ERC2: variants seen among roughly 807,000 people sequenced by gnomAD.
The protein encoded by ERC2 is ELKS/RAB6-interacting/CAST family member 2.
ERC2 carries 42 observed loss-of-function variants against 114.8 expected under a neutral mutation model. That is an observed-to-expected ratio of 0.37 (90% CI 0.29 to 0.47). The LOEUF is 0.47. Ranked by LOEUF, ERC2 falls within the 20% of genes least tolerant of loss-of-function variation. ERC2 has a pLI of 0.99. For missense variants in ERC2, 939 were observed against 1,150.7 expected, an observed-to-expected ratio of 0.82 and a Z score of 2.66; for synonymous variants, 454 against 425.5, an observed-to-expected ratio of 1.07 and a Z score of -0.82.
intron 3 of ERC2, among the ~76,000 whole-genome samples, chr3:56,284,912 G>T (rs927393896): frequency 6.6e-6 from 1 of 151,526 alleles, no homozygotes; most frequent in Non-Finnish European, 1.5e-5. Flanking sequence ...GTTGGGGTGG[G>T]GGAGTTGGAG....
At chr3:56,046,967 A>C (rs2075500601) in intron 7 of ERC2, among the ~76,000 whole-genome samples, 1 of 152,212 alleles carries the variant, frequency 6.6e-6, no homozygotes, top group Non-Finnish European at 1.5e-5. Context: ...CGCTAGTGGA[A>C]AGGAGTCTGT....
chr3:55,953,793 A>G (rs2149451288), intron 12 of ERC2, among the ~76,000 whole-genome samples: 1 of 152,230 alleles, frequency 6.6e-6, no homozygotes, highest in East Asian at 1.9e-4. Flanking sequence ...AAAAATGACC[A>G]CAGTGATTTT....
rs1382901955 is a variant in ERC2, at chr3:56,149,114, A to G, written c.1168T>C (p.Leu390=). 6.2e-7 allele frequency: 1 copy of G among 1,609,266 alleles called. No individual in the cohort carries two copies. Among genetic ancestry groups the G allele is most frequent in the Admixed American group, 1.7e-5 (1 of 59,642 alleles). The change falls in exon 5 of 18, where the codon TTG becomes CTG. Residue 390 remains leucine (L), a synonymous_variant. Transcript: ENST00000288221. The part of the protein sequence containing the change: ...IEMKDTKIAS[L]ERNIRDLEDE... ...TCAAGATCCCTTATGTTTCGTTCCA[A>G]TGAAGCGATTTTTGTGTCCTGTTGG...
intron 12 of ERC2, among the ~76,000 whole-genome samples, chr3:55,969,984 A>T (rs2069039305): frequency 6.6e-6 from 1 of 152,204 alleles, no homozygotes; most frequent in African/African-American, 2.4e-5. Flanking sequence ...AAACTAAGCA[A>T]ATATTCAAGG....
At chr3:55,991,921 G>A (rs913453463) in intron 11 of ERC2, 136 bp downstream of exon 11, 2 of 728,690 alleles carry the variant, frequency 2.7e-6, no homozygotes, top group African/African-American at 3.5e-5. Flanking sequence ...ATCTTTCACA[G>A]GCCATATTCC....
intron 3 of ERC2, among the ~76,000 whole-genome samples, chr3:56,227,338 T>C (rs1045018050): frequency 3.3e-5 from 5 of 151,368 alleles, no homozygotes; most frequent in East Asian, 1.9e-4. Flanking sequence ...GGGAGTAAGG[T>C]ATAGGAGCAC....
chr3:55,825,241 G>A (rs756564146), intron 14 of ERC2, among the ~76,000 whole-genome samples: 12 of 152,126 alleles, frequency 7.9e-5, no homozygotes, highest in Non-Finnish European at 1.8e-4. Flanking sequence ...CAATTACCCT[G>A]AAAAATACTC....
chr3:56,326,218 C>G (rs563896559), intron 2 of ERC2, among the ~76,000 whole-genome samples: 2 of 152,208 alleles, frequency 1.3e-5, no homozygotes, highest in East Asian at 3.8e-4. Context: ...CCTTGCAAGC[C>G]AAAGCCTGAG....
chr3:56,201,270 C>A (rs2048388669), intron 3 of ERC2, among the ~76,000 whole-genome samples: 1 of 152,210 alleles, frequency 6.6e-6, no homozygotes, highest in Non-Finnish European at 1.5e-5. Flanking sequence ...TATTGCTCCT[C>A]TGTATCCCTT....
At chr3:56,252,097 C>A (rs2150235196) in intron 3 of ERC2, among the ~76,000 whole-genome samples, 1 of 152,248 alleles carries the variant, frequency 6.6e-6, no homozygotes, top group East Asian at 1.9e-4. Flanking sequence ...CCCCCTTGCT[C>A]CTCATCCTTA....
At chr3:56,141,743 C>T (rs1331640221) in intron 5 of ERC2, among the ~76,000 whole-genome samples, 1 of 152,072 alleles carries the variant, frequency 6.6e-6, no homozygotes, top group Non-Finnish European at 1.5e-5. Context: ...TAATGAATTG[C>T]ATTAATGAAA....
At chr3:55,607,915 T>A (rs1321345871) in intron 17 of ERC2, 5 of 151,950 alleles carry the variant, frequency 3.3e-5, no homozygotes, top group African/African-American at 7.3e-5. Context: ...ACATGATACC[T>A]CCCACTTGCC....
chr3:55,570,525 C>A (rs2056645077), intron 17 of ERC2, among the ~76,000 whole-genome samples: 1 of 152,136 alleles, frequency 6.6e-6, no homozygotes, highest in African/African-American at 2.4e-5. Flanking sequence ...GGGGGAGCTG[C>A]AGCCGGATGA....
chr3:55,973,593 G>C (rs1200678606), intron 12 of ERC2, among the ~76,000 whole-genome samples: 1 of 152,284 alleles, frequency 6.6e-6, no homozygotes, highest in East Asian at 1.9e-4. Context: ...AATCCAGAGT[G>C]ACCTTGAGCA....
chr3:56,400,515 A>G (rs997448741), intron 2 of ERC2, among the ~76,000 whole-genome samples: 1 of 152,210 alleles, frequency 6.6e-6, no homozygotes, highest in Non-Finnish European at 1.5e-5. Flanking sequence ...CCTACTGTGA[A>G]CAATGCATTA....
At position 56,392,724 on chromosome 3, in the gene ERC2, T is replaced by C. The variant is rs74558458; in HGVS notation, c.657+41627A>G. Among the ~76,000 whole-genome samples, 508 of 152,338 alleles carry C rather than the reference T, an allele frequency of 3.3e-3. 2 individuals carry two copies. The highest frequency in any genetic ancestry group is 0.011 in the African/African-American group (474 of 41,578). ...TTGTTACCTCGAGACATGACTTTTATACAAAGTTAAAAATAAAATGGCTTC... is the reference window on the plus strand; with the variant it reads ...TTGTTACCTCGAGACATGACTTTTACACAAAGTTAAAAATAAAATGGCTTC... On this transcript the variant is annotated intron_variant, in intron 2 of 17. Coordinates refer to ENST00000288221, the MANE Select transcript of ERC2 (RefSeq NM_015576.3).
intron 14 of ERC2, among the ~76,000 whole-genome samples, chr3:55,750,437 G>A (rs979233590): frequency 7.2e-4 from 110 of 152,264 alleles, no homozygotes; most frequent in African/African-American, 2.6e-3. Context: ...AAGGAGAACT[G>A]GAATTTGTAT....
intron 14 of ERC2, among the ~76,000 whole-genome samples, chr3:55,832,354 C>A (rs1183407266): frequency 6.6e-6 from 1 of 152,224 alleles, no homozygotes; most frequent in Non-Finnish European, 1.5e-5. Flanking sequence ...TGGAAGGCAT[C>A]CCCCAGTAGG....
chr3:55,608,850 T>C (rs73830664), intron 17 of ERC2, among the ~76,000 whole-genome samples: 4,435 of 152,264 alleles, frequency 0.029, 211 homozygotes, highest in African/African-American at 0.098. Context: ...ACAGTGAGAA[T>C]TGGGATAAAT....
Sources: gnomAD v4.1 joint callset for allele counts (sites outside exome capture counted in the v4.1 genomes callset) on GRCh38, gnomAD v4.1.1 for gene constraint, MANE v1.5 for transcripts, NCBI Gene and HGNC (gene_info 2026-07-23, HGNC 2026-07-21) for gene names.